EMP2: variants seen among roughly 807,000 people sequenced by gnomAD.
The protein encoded by EMP2 is epithelial membrane protein 2.
EMP2 carries 19 observed loss-of-function variants against 13.7 expected under a neutral mutation model. The ratio of observed to expected loss-of-function variants is 1.38; its 90% CI spans 0.97 to 2.03. The LOEUF (loss-of-function observed/expected upper bound fraction) is 2.03, where lower values mean the gene tolerates loss of function less well. Among genes scored for constraint, EMP2 ranks in the 30% most tolerant of loss-of-function variants. The probability of loss-of-function intolerance (pLI) is 0.00; values close to 1 mark genes in which losing one functional copy is unlikely to be tolerated. For synonymous variants in EMP2, 97 were observed against 84.7 expected (o/e 1.15, Z -0.80); for missense variants, 253 against 220.7 (o/e 1.15, Z -0.93).
chr16:10,573,930 C>CTTTTTTTTTTTTTTT (rs371646297), intron 1 of EMP2, among the ~76,000 whole-genome samples: 3 of 83,172 alleles, frequency 3.6e-5, no homozygotes, highest in Non-Finnish European at 6.5e-5. Flanking sequence ...ATGGATAAAC[C>CTTTTTTTTTTTTTTT]TTTTTTTTTT....
rs1023406582 is a variant in EMP2, at chr16:10,536,554, G to A, written c.316+1374C>T. Among the ~76,000 whole-genome samples the A allele has an allele frequency of 8.5e-5, 13 of 152,176 alleles. No homozygotes were observed. The South Asian group carries it at 1.5e-3, about 17-fold the overall frequency. On this transcript the variant is annotated intron_variant, in intron 4 of 4. Coordinates refer to ENST00000359543, the MANE Select transcript of EMP2 (RefSeq NM_001424.6). ...CCCTTTTGTTCTTCCTTTGTCTTCCGCCATGACTGTGAGGCCTCCCCAGCC... is the reference window on the plus strand; with the variant it reads ...CCCTTTTGTTCTTCCTTTGTCTTCCACCATGACTGTGAGGCCTCCCCAGCC...
chr16:10,556,060 C>T (rs1391299228), intron 1 of EMP2, among the ~76,000 whole-genome samples: 1 of 152,166 alleles, frequency 6.6e-6, no homozygotes, highest in Non-Finnish European at 1.5e-5. Flanking sequence ...CTTCCATCAT[C>T]TCAATACAGT....
chr16:10,540,304 G>A (rs2050684460), intron 3 of EMP2, among the ~76,000 whole-genome samples: 1 of 152,162 alleles, frequency 6.6e-6, no homozygotes, highest in Admixed American at 6.5e-5. Flanking sequence ...TCAGGAGTTT[G>A]AGACCAGCCT....
chr16:10,544,725 A>T (rs965567936), intron 2 of EMP2: 1 of 152,426 alleles, frequency 6.6e-6, no homozygotes, highest in African/African-American at 2.4e-5. Context: ...TCTACAAAAA[A>T]ATACAAAAAA....
At chr16:10,575,460 T>C (rs1392141964) in intron 1 of EMP2, among the ~76,000 whole-genome samples, 1 of 151,598 alleles carries the variant, frequency 6.6e-6, no homozygotes. Flanking sequence ...TTCATTGTGT[T>C]AGCCAGGATG....
chr16:10,554,363 G>C (rs542394569), intron 1 of EMP2, among the ~76,000 whole-genome samples: 1 of 152,276 alleles, frequency 6.6e-6, no homozygotes, highest in Non-Finnish European at 1.5e-5. Context: ...GCATTTATGT[G>C]AGTGGGTGGA....
At chr16:10,534,125 GA>G (rs957980883) in intron 4 of EMP2, among the ~76,000 whole-genome samples, 2 of 151,488 alleles carry the variant, frequency 1.3e-5, no homozygotes, top group Non-Finnish European at 2.9e-5. Context: ...AAAAAAAAAA[GA>G]AAAATATGAC....
chr16:10,536,344 A>C (rs1406549441), intron 4 of EMP2, among the ~76,000 whole-genome samples: 1 of 152,010 alleles, frequency 6.6e-6, no homozygotes, highest in Non-Finnish European at 1.5e-5. Context: ...CTGTGTCCCC[A>C]CCCCAATCTC....
At chr16:10,577,949 C>A (rs1257575058) in intron 1 of EMP2, 4 of 137,384 alleles carry the variant, frequency 2.9e-5, no homozygotes, top group Non-Finnish European at 4.8e-5. Flanking sequence ...TTGTCCCCCC[C>A]ACCCCCCCAC....
rs71133370 is a variant in EMP2 at position 10,579,708 on chromosome 16, GCACACACA to G, written c.-61+833_-61+840del. ...CACAGCTGAATTATAAGATCAAGGT[GCACACACA>G]CACACACACACACACACACACACCC... is the stretch of plus-strand genomic sequence containing the variant. On this transcript the variant is annotated intron_variant, in intron 1 of 4. Coordinates refer to ENST00000359543, the MANE Select transcript of EMP2 (RefSeq NM_001424.6). Among the ~76,000 whole-genome samples the G allele has an allele frequency of 9.7e-3, 1,423 of 146,632 alleles. 20 individuals are homozygous for G. The highest frequency in any genetic ancestry group is 0.035 in the African/African-American group (1,336 of 38,436).
chr16:10,546,688 C>T (rs943324434), intron 2 of EMP2: 5 of 152,184 alleles, frequency 3.3e-5, no homozygotes, highest in Non-Finnish European at 7.3e-5. Flanking sequence ...GGACATTTAA[C>T]AATGTCTGAA....
chr16:10,541,572 C>T (rs1171322817), intron 3 of EMP2, among the ~76,000 whole-genome samples: 1 of 152,182 alleles, frequency 6.6e-6, no homozygotes, highest in Non-Finnish European at 1.5e-5. Flanking sequence ...AAAACAGCCA[C>T]AGAGCACAGC....
intron 3 of EMP2, among the ~76,000 whole-genome samples, chr16:10,543,099 G>C (rs56174118): frequency 0.11 from 16,996 of 152,144 alleles, 1,599 homozygotes; most frequent in African/African-American, 0.25. Flanking sequence ...ATCCGCCTCT[G>C]CTTCCCAAAG....
intron 1 of EMP2, among the ~76,000 whole-genome samples, chr16:10,574,717 A>AT (rs1238926478): frequency 6.6e-6 from 1 of 151,584 alleles, no homozygotes; most frequent in African/African-American, 2.4e-5. Flanking sequence ...ATGCCGGCTA[A>AT]TTTTTTGTAT....
Position 10,531,707 on chromosome 16 carries a change from C to A in EMP2, c.*1198G>T, listed in dbSNP as rs540372726. On this transcript the variant is annotated 3_prime_UTR_variant, in exon 5 of 5. Coordinates refer to ENST00000359543, the MANE Select transcript of EMP2 (RefSeq NM_001424.6). ...GGAGGAGATTGTCTCTAGAGGGTATCCCCTGTGCCTGGCACATGCATGCAA... is the reference window on the plus strand; with the variant it reads ...GGAGGAGATTGTCTCTAGAGGGTATACCCTGTGCCTGGCACATGCATGCAA... The A allele has an allele frequency of 1.3e-5, 2 of 152,998 alleles. No homozygotes were observed. Among genetic ancestry groups the A allele is most frequent in the Admixed American group, 6.5e-5 (1 of 15,296 alleles). 9.5% of individuals were successfully genotyped at this position (152,998 alleles called of 1,614,324 possible). A position where few individuals can be genotyped will look rare whatever the true frequency, so the allele number is the denominator to read the frequency against.
At chr16:10,540,214 T>C (rs913463498) in intron 3 of EMP2, among the ~76,000 whole-genome samples, 1 of 152,124 alleles carries the variant, frequency 6.6e-6, no homozygotes, top group African/African-American at 2.4e-5. Context: ...TCAGTTTAAA[T>C]TCCTCTAAGG....
intron 3 of EMP2, among the ~76,000 whole-genome samples, chr16:10,538,356 C>A (rs2279870): frequency 6.6e-6 from 1 of 152,022 alleles, no homozygotes; most frequent in African/African-American, 2.4e-5. Context: ...GGGTCACAGA[C>A]CCCACATGCT....
At chr16:10,559,482 G>C (rs957808668) in intron 1 of EMP2, among the ~76,000 whole-genome samples, 2 of 152,330 alleles carry the variant, frequency 1.3e-5, no homozygotes, top group African/African-American at 4.8e-5. Context: ...CAGGGCAGAA[G>C]CCACTGAGGA....
intron 1 of EMP2, among the ~76,000 whole-genome samples, chr16:10,567,533 T>G (rs2142205940): frequency 6.6e-6 from 1 of 151,930 alleles, no homozygotes; most frequent in Middle Eastern, 3.4e-3. Flanking sequence ...CACACCAAGG[T>G]GGGTGAGCCA....
Sources: gnomAD v4.1 joint callset for allele counts (sites outside exome capture counted in the v4.1 genomes callset) on GRCh38, gnomAD v4.1.1 for gene constraint, MANE v1.5 for transcripts, NCBI Gene and HGNC (gene_info 2026-07-23, HGNC 2026-07-21) for gene names.